Variants in JAKMIP3 observed in about 807,000 individuals in gnomAD.
JAKMIP3 encodes the protein Janus kinase and microtubule interacting protein 3.
A neutral mutation model predicts 118.5 loss-of-function variants in JAKMIP3; 58 were observed. The observed-to-expected ratio is 0.49, with a 90% CI of 0.40 to 0.61. JAKMIP3 has a LOEUF of 0.61. JAKMIP3 is among the 20% of genes least tolerant of loss of function. JAKMIP3 has a pLI of 0.00. For synonymous variants in JAKMIP3, 486 were observed against 451.2 expected (o/e 1.08, Z -0.98); for missense variants, 950 against 1,109.0 (o/e 0.86, Z 2.04).
At chr10:132,159,140 CTCCT>C (rs1248837513) in intron 19 of JAKMIP3, among the ~76,000 whole-genome samples, 1 of 102,892 alleles carries the variant, frequency 9.7e-6, no homozygotes, top group Admixed American at 9.8e-5. Context: ...GGGGGCGTCT[CTCCT>C]TGTGTGATGT....
intron 1 of JAKMIP3, among the ~76,000 whole-genome samples, chr10:132,054,872 C>T (rs996739001): frequency 2.0e-5 from 3 of 151,998 alleles, no homozygotes; most frequent in Non-Finnish European, 2.9e-5. Context: ...GTCCTGCACT[C>T]CTACACCGAG....
intron 1 of JAKMIP3, among the ~76,000 whole-genome samples, chr10:132,056,877 G>T (rs1346456843): frequency 6.6e-6 from 1 of 152,074 alleles, no homozygotes; most frequent in East Asian, 1.9e-4. Context: ...GGCACTCGGG[G>T]GTCCAGCTCC....
intron 1 of JAKMIP3, among the ~76,000 whole-genome samples, chr10:132,074,230 T>C (rs1358002909): frequency 1.3e-5 from 2 of 152,176 alleles, no homozygotes; most frequent in Non-Finnish European, 2.9e-5. Flanking sequence ...TTTTATATTT[T>C]TAGTAGAGAT....
intron 1 of JAKMIP3, among the ~76,000 whole-genome samples, chr10:132,040,907 C>T (rs2037722375): frequency 1.3e-5 from 2 of 152,108 alleles, no homozygotes; most frequent in South Asian, 4.1e-4. Context: ...CTATTTTCAA[C>T]ACCTCATAGA....
intron 2 of JAKMIP3, among the ~76,000 whole-genome samples, chr10:132,113,363 C>A (rs1482460656): frequency 6.6e-6 from 1 of 152,208 alleles, no homozygotes; most frequent in Non-Finnish European, 1.5e-5. Context: ...AGTGCACAGC[C>A]CTGAGATGCT....
At chr10:132,126,299 A>G (rs1589876831) in intron 3 of JAKMIP3, among the ~76,000 whole-genome samples, 1 of 148,878 alleles carries the variant, frequency 6.7e-6, no homozygotes, top group Non-Finnish European at 1.5e-5. Flanking sequence ...TTTTTTGGCA[A>G]TACTTTTTTT....
intron 2 of JAKMIP3, among the ~76,000 whole-genome samples, chr10:132,105,696 G>T (rs569470920): frequency 1.3e-5 from 2 of 152,332 alleles, no homozygotes; most frequent in South Asian, 2.1e-4. Flanking sequence ...AGTGTGCCCA[G>T]GTTCCTGGAA....
chr10:132,061,185 C>T (rs1265812913), upstream of JAKMIP3, among the ~76,000 whole-genome samples: 11 of 117,948 alleles, frequency 9.3e-5, no homozygotes, highest in East Asian at 1.5e-3. Context: ...ACACACCTGC[C>T]GTGACGGCGC....
intron 1 of JAKMIP3, among the ~76,000 whole-genome samples, chr10:132,040,932 G>A (rs1294658690): frequency 1.3e-5 from 2 of 152,178 alleles, no homozygotes; most frequent in Non-Finnish European, 2.9e-5. Flanking sequence ...GAATCATGCA[G>A]TACTCGATTT....
chr10:132,123,816 C>T (rs553480123), intron 3 of JAKMIP3, among the ~76,000 whole-genome samples: 4 of 152,346 alleles, frequency 2.6e-5, no homozygotes, highest in Non-Finnish European at 5.9e-5. Flanking sequence ...GATGCAGCAT[C>T]GGCTTCTGGG....
chr10:132,114,308 C>T (rs547324020), intron 2 of JAKMIP3, among the ~76,000 whole-genome samples: 27 of 152,364 alleles, frequency 1.8e-4, no homozygotes, highest in Admixed American at 8.5e-4. Flanking sequence ...CTCTACCCCC[C>T]GGCTCAAGCA....
intron 1 of JAKMIP3, among the ~76,000 whole-genome samples, chr10:132,099,376 G>T (rs2044468644): frequency 6.6e-6 from 1 of 152,214 alleles, no homozygotes; most frequent in African/African-American, 2.4e-5. Context: ...TCAGCCTTCA[G>T]ATGATGACTG....
At chr10:132,090,006 T>C (rs2042903777) in intron 1 of JAKMIP3, among the ~76,000 whole-genome samples, 2 of 152,222 alleles carry the variant, frequency 1.3e-5, no homozygotes, top group Admixed American at 1.3e-4. Flanking sequence ...TATGCTGGAT[T>C]ACGTTTATTG....
At chr10:132,141,777 C>A in intron 10 of JAKMIP3, 143 bp from the exon 11 acceptor site, 2 of 912,078 alleles carry the variant, frequency 2.2e-6, no homozygotes, top group Non-Finnish European at 1.6e-6. Flanking sequence ...GGAGCAGGTC[C>A]CCTCCCTCAT....
At chr10:132,143,915 C>A (rs542710097) in intron 11 of JAKMIP3, 1 of 152,400 alleles carries the variant, frequency 6.6e-6, no homozygotes, top group African/African-American at 2.4e-5. Flanking sequence ...CCCAAGGGCT[C>A]ACATCCACGA....
At chr10:132,071,879 C>CTTTCCTTTCTTTCTTTCCTTT (rs2039973183) in intron 1 of JAKMIP3, among the ~76,000 whole-genome samples, 1 of 20,538 alleles carries the variant, frequency 4.9e-5, no homozygotes, top group South Asian at 1.6e-3. Context: ...TTCTTTCCTT[C>CTTTCCTTTCTTTCTTTCCTTT]CTTTCTTTCT....
chr10:132,041,032 G>A (rs1046384388), intron 1 of JAKMIP3, among the ~76,000 whole-genome samples: 7 of 152,214 alleles, frequency 4.6e-5, no homozygotes, highest in Middle Eastern at 3.4e-3. Flanking sequence ...GCGGCTGAGC[G>A]GCATTCGTCA....
At chr10:132,171,798 G>A (rs2059523646) in intron 23 of JAKMIP3, among the ~76,000 whole-genome samples, 1 of 151,976 alleles carries the variant, frequency 6.6e-6, no homozygotes, top group South Asian at 2.1e-4. Flanking sequence ...GGGATTACAG[G>A]CAGGCACCAC....
chr10:132,133,170 C>T (rs766909880), intron 3 of JAKMIP3, 142 bp from the exon 4 acceptor site: 87 of 714,808 alleles, frequency 1.2e-4, no homozygotes, highest in Middle Eastern at 3.9e-4. Flanking sequence ...CCCAGGGCCA[C>T]GGGCTCCTGC....
Sources: gnomAD v4.1 joint callset for allele counts (sites outside exome capture counted in the v4.1 genomes callset) on GRCh38, gnomAD v4.1.1 for gene constraint, MANE v1.5 for transcripts, NCBI Gene and HGNC (gene_info 2026-07-23, HGNC 2026-07-21) for gene names.